The following ADAMTS17 variants were observed in gnomAD, a reference collection of about 807,000 sequenced individuals.
ADAMTS17 encodes A disintegrin and metalloproteinase with thrombospondin motifs 17.
Under a neutral mutation model 141.5 loss-of-function variants are expected in ADAMTS17, and 113 were observed. That is an observed-to-expected ratio of 0.80 (90% CI 0.69 to 0.93). The LOEUF (loss-of-function observed/expected upper bound fraction) is 0.93. Among genes scored for constraint, ADAMTS17 ranks in the 40% least tolerant of loss-of-function variants. The probability of loss-of-function intolerance (pLI) is 0.00; values close to 1 mark genes in which losing one functional copy is unlikely to be tolerated. For synonymous variants in ADAMTS17, 768 were observed against 630.6 expected (o/e 1.22, Z -3.27); for missense variants, 1,659 against 1,517.9 (o/e 1.09, Z -1.54).
chr15:100,338,282 T>C (rs2046265216), intron 2 of ADAMTS17, among the ~76,000 whole-genome samples: 1 of 152,180 alleles, frequency 6.6e-6, no homozygotes, highest in Non-Finnish European at 1.5e-5. Flanking sequence ...TGATCTATTC[T>C]AATAATTCGT....
At chr15:99,978,780 C>G (rs1020789809) in intron 20 of ADAMTS17, 1 of 152,212 alleles carries the variant, frequency 6.6e-6, no homozygotes, top group African/African-American at 2.4e-5. Context: ...ACCTGGTGAG[C>G]TTTGAAAAAT....
At chr15:100,267,180 T>A (rs1330720434) in intron 4 of ADAMTS17, among the ~76,000 whole-genome samples, 1 of 151,838 alleles carries the variant, frequency 6.6e-6, no homozygotes, top group Non-Finnish European at 1.5e-5. Context: ...ACCCCCATTC[T>A]ACTTTGTTTC....
intron 12 of ADAMTS17, chr15:100,129,073 ATGTTG>A (rs2037897842): frequency 6.6e-6 from 1 of 152,252 alleles, no homozygotes; most frequent in Admixed American, 6.5e-5. Flanking sequence ...GACAACTTAA[ATGTTG>A]ACAGTCTCAG....
Position 100,184,067 on chromosome 15 carries a change from G to A in ADAMTS17, c.1181+15251C>T, listed in dbSNP as rs190483984. ...CTGCTGCTGCTGCTGGGAGCAGATC[G>A]AGCTGCCCACCAGTGTCCTGGTTGT... On this transcript the variant is annotated intron_variant, in intron 8 of 21. Coordinates refer to ENST00000268070, the MANE Select transcript of ADAMTS17 (RefSeq NM_139057.4). Among the ~76,000 whole-genome samples the A allele has an allele frequency of 1.0e-3, 154 of 152,160 alleles. 1 individual carries two copies. Among genetic ancestry groups the A allele is most frequent in the African/African-American group, 3.5e-3 (147 of 41,438 alleles).
At chr15:100,085,683 A>G (rs28810416) in intron 15 of ADAMTS17, among the ~76,000 whole-genome samples, 46,579 of 147,612 alleles carry the variant, frequency 0.32, 9,530 homozygotes, top group East Asian at 0.57. Context: ...GAGAGTGGGG[A>G]CCAATATTCA....
chr15:100,306,702 A>T, intron 3 of ADAMTS17: 1 of 398,618 alleles, frequency 2.5e-6, no homozygotes, highest in Non-Finnish European at 5.0e-6. Flanking sequence ...ACAGGGACTG[A>T]GACAGCAGTC....
chr15:100,232,701 C>T (rs1401634441), intron 7 of ADAMTS17, among the ~76,000 whole-genome samples: 1 of 152,224 alleles, frequency 6.6e-6, no homozygotes, highest in African/African-American at 2.4e-5. Context: ...CCCACCAAGC[C>T]TGTTTCCTGA....
chr15:99,981,646 C>T (rs1022700029), intron 20 of ADAMTS17, among the ~76,000 whole-genome samples: 9 of 152,276 alleles, frequency 5.9e-5, no homozygotes, highest in Middle Eastern at 3.4e-3. Context: ...GAAACCACCC[C>T]GTTTTTGTTT....
At chr15:99,989,565 A>G (rs2060653248) in intron 20 of ADAMTS17, among the ~76,000 whole-genome samples, 1 of 152,196 alleles carries the variant, frequency 6.6e-6, no homozygotes, top group Non-Finnish European at 1.5e-5. Context: ...GCATGAGGTA[A>G]TCATCAGTTC....
At chr15:100,147,217 T>C (rs1388208972) in intron 10 of ADAMTS17, among the ~76,000 whole-genome samples, 1 of 152,114 alleles carries the variant, frequency 6.6e-6, no homozygotes, top group Non-Finnish European at 1.5e-5. Flanking sequence ...AAAATTTCTC[T>C]CTTTTGTACT....
rs8039417 is a variant in ADAMTS17, at chr15:100,155,428, G to A, written c.1182-108C>T. Reference sequence around the variant, plus strand: ...TAAATCAAGTCTTAAAAACAAAAACGGACGTAACGTGAAAGTGGTTCTCAC... The same window carrying A: ...TAAATCAAGTCTTAAAAACAAAAACAGACGTAACGTGAAAGTGGTTCTCAC... On this transcript the variant is annotated intron_variant, in intron 8 of 21. Coordinates refer to ENST00000268070, the MANE Select transcript of ADAMTS17 (RefSeq NM_139057.4). 1,648 of 1,478,730 alleles carry A rather than the reference G, an allele frequency of 1.1e-3. 5 individuals carry two copies. The highest frequency in any genetic ancestry group is 0.01 in the African/African-American group (725 of 71,766). 91.6% of individuals were successfully genotyped at this position (1,478,730 alleles called of 1,614,324 possible). A position where few individuals can be genotyped will look rare whatever the true frequency, so the allele number is the denominator to read the frequency against.
At chr15:100,234,701 G>A (rs751030567) in intron 7 of ADAMTS17, among the ~76,000 whole-genome samples, 12 of 152,176 alleles carry the variant, frequency 7.9e-5, no homozygotes, top group Non-Finnish European at 1.6e-4. Context: ...CAGAGGAAAC[G>A]CTGCAACCAG....
At chr15:100,212,946 C>A (rs1378941722) in intron 7 of ADAMTS17, among the ~76,000 whole-genome samples, 1 of 151,860 alleles carries the variant, frequency 6.6e-6, no homozygotes, top group East Asian at 1.9e-4. Flanking sequence ...TTAGAAAGCA[C>A]CCTGAGTTAA....
intron 18 of ADAMTS17, among the ~76,000 whole-genome samples, chr15:100,023,474 G>A (rs938741750): frequency 3.1e-4 from 47 of 152,160 alleles, no homozygotes; most frequent in Middle Eastern, 3.4e-3. Flanking sequence ...CCAAAGTGGT[G>A]GGATTACAGG....
At position 100,341,145 on chromosome 15, in the gene ADAMTS17, G is replaced by A; in HGVS notation, c.344C>T (p.Ala115Val). Residue 115 changes from alanine (A) to valine (V), a missense_variant, in exon 2 of 22, where the codon GCC (alanine) becomes GTC (valine). Coordinates refer to ENST00000268070, the MANE Select transcript of ADAMTS17 (RefSeq NM_139057.4). ...RGFEVEEAGA[A>V]RRRGRPAELC... ...CTCGGCGGGGCGGCCGCGGCGCCGG[G>A]CCGCGCCCGCCTCCTCCACCTCGAA... The A allele has an allele frequency of 6.9e-7, 1 of 1,444,666 alleles. No individual in the cohort carries two copies. The highest frequency in any genetic ancestry group is 9.0e-7 in the Non-Finnish European group (1 of 1,105,674). The allele number at this position is 1,444,666 out of a possible 1,614,324, so 89.5% of individuals were successfully genotyped here.
intron 15 of ADAMTS17, among the ~76,000 whole-genome samples, chr15:100,055,574 C>T (rs534564526): frequency 6.6e-6 from 1 of 152,192 alleles, no homozygotes; most frequent in African/African-American, 2.4e-5. Flanking sequence ...TCCAGGGTGG[C>T]TATGAGAGGC....
At chr15:100,051,061 G>A (rs1243424190) in intron 17 of ADAMTS17, among the ~76,000 whole-genome samples, 1 of 152,230 alleles carries the variant, frequency 6.6e-6, no homozygotes, top group Non-Finnish European at 1.5e-5. Context: ...GGTAGAGAGA[G>A]GAAGTCATTT....
chr15:100,277,412 C>T (rs745731619), intron 4 of ADAMTS17, among the ~76,000 whole-genome samples: 45 of 152,160 alleles, frequency 3.0e-4, no homozygotes, highest in Non-Finnish European at 5.3e-4. Context: ...GATCAAACAG[C>T]CACCCCTGCC....
chr15:100,302,656 T>C (rs981063079), intron 3 of ADAMTS17, among the ~76,000 whole-genome samples: 2 of 152,222 alleles, frequency 1.3e-5, no homozygotes, highest in African/African-American at 4.8e-5. Context: ...ATGCTGAGCA[T>C]CTCTGCAGGT....
Sources: gnomAD v4.1 joint callset for allele counts (sites outside exome capture counted in the v4.1 genomes callset) on GRCh38, gnomAD v4.1.1 for gene constraint, MANE v1.5 for transcripts, NCBI Gene and HGNC (gene_info 2026-07-23, HGNC 2026-07-21) for gene names.